Variants in CDKAL1 observed in about 807,000 individuals in gnomAD.
CDKAL1 encodes the protein CDKAL1 threonylcarbamoyladenosine tRNA methylthiotransferase.
A neutral mutation model predicts 68.2 loss-of-function variants in CDKAL1; 32 were observed. The ratio of observed to expected loss-of-function variants is 0.47; its 90% confidence interval spans 0.35 to 0.63. CDKAL1 has a LOEUF of 0.63. Ranked by LOEUF, CDKAL1 falls within the 30% of genes least tolerant of loss-of-function variation. The probability of loss-of-function intolerance (pLI) is 0.00; values close to 1 mark genes in which losing one functional copy is unlikely to be tolerated. For synonymous variants in CDKAL1, 234 were observed against 244.3 expected, an observed-to-expected ratio of 0.96 and a Z score of 0.39; for missense variants, 606 against 696.7, an observed-to-expected ratio of 0.87 and a Z score of 1.47.
At chr6:20,743,685 T>G (rs1014377698) in intron 6 of CDKAL1, among the ~76,000 whole-genome samples, 1 of 152,144 alleles carries the variant, frequency 6.6e-6, no homozygotes, top group African/African-American at 2.4e-5. Flanking sequence ...ATTAATATTA[T>G]TTGTGTGATG....
chr6:20,859,209 A>G (rs1055506064), intron 9 of CDKAL1, among the ~76,000 whole-genome samples: 1 of 151,986 alleles, frequency 6.6e-6, no homozygotes, highest in African/African-American at 2.4e-5. Context: ...ATATTCTGAA[A>G]ATTTTCTTTT....
At chr6:20,762,415 C>T (rs976434705) in intron 7 of CDKAL1, among the ~76,000 whole-genome samples, 1 of 152,130 alleles carries the variant, frequency 6.6e-6, no homozygotes, top group African/African-American at 2.4e-5. Context: ...TGATAGCTTT[C>T]CTTAGTTTGC....
At chr6:20,998,245 A>G (rs1204618144) in intron 10 of CDKAL1, among the ~76,000 whole-genome samples, 2 of 152,220 alleles carry the variant, frequency 1.3e-5, no homozygotes, top group East Asian at 3.8e-4. Flanking sequence ...TAAGGCCAGC[A>G]TATTTACTGT....
intron 5 of CDKAL1, among the ~76,000 whole-genome samples, chr6:20,696,723 G>C (rs1046030050): frequency 6.6e-6 from 1 of 152,182 alleles, no homozygotes; most frequent in African/African-American, 2.4e-5. Flanking sequence ...ATCACAGCTT[G>C]TAATTATATA....
intron 11 of CDKAL1, among the ~76,000 whole-genome samples, chr6:21,064,219 T>C (rs1771293687): frequency 6.6e-6 from 1 of 152,178 alleles, no homozygotes; most frequent in Admixed American, 6.5e-5. Flanking sequence ...CCTGGTATCT[T>C]TCTGATGAAG....
At chr6:21,145,573 G>T (rs1467079505) in intron 13 of CDKAL1, among the ~76,000 whole-genome samples, 1 of 152,152 alleles carries the variant, frequency 6.6e-6, no homozygotes, top group African/African-American at 2.4e-5. Context: ...ACAAAGAATG[G>T]TAAATCAGAT....
At chr6:21,003,227 T>A (rs897131755) in intron 11 of CDKAL1, among the ~76,000 whole-genome samples, 6 of 149,862 alleles carry the variant, frequency 4.0e-5, no homozygotes, top group Admixed American at 4.0e-4. Context: ...TATTTTAGAC[T>A]AGGCACAGTG....
At chr6:20,610,586 C>A (rs1766576226) in intron 4 of CDKAL1, among the ~76,000 whole-genome samples, 1 of 151,986 alleles carries the variant, frequency 6.6e-6, no homozygotes, top group African/African-American at 2.4e-5. Flanking sequence ...CATGCACAAA[C>A]TTACCATAGG....
chr6:20,649,160 C>T lies in CDKAL1; in HGVS notation c.287-133C>T, dbSNP rs1206016585. On this transcript the variant is annotated intron_variant, in intron 4 of 15. Transcript: ENST00000274695. The stretch of plus-strand genomic sequence containing the variant: ...ATTTCCATGTTCTAGCAATTTTCTA[C>T]TGTGTTGTAATTGCCTGTTCATTTT... 2.2e-5 allele frequency: 14 copies of T among 631,622 alleles called. No individual in the cohort carries two copies. In the Admixed American group the frequency reaches 4.6e-4, roughly 21 times the overall value. The allele number at this position is 631,622 out of a possible 1,614,324, so 39.1% of individuals were successfully genotyped here.
chr6:20,996,649 G>C lies in CDKAL1; in HGVS notation c.910-3578G>C, dbSNP rs147503148. Among the ~76,000 whole-genome samples, 54 of 152,272 alleles carry C rather than the reference G, an allele frequency of 3.5e-4. No individual in the cohort carries two copies. In the East Asian group the frequency reaches 7.0e-3, roughly 20 times the overall value. ...GTAACATCAAAGATCACTGATGACA[G>C]ATCATCACATCAGATACAGTAATAA... On this transcript the variant is annotated intron_variant, in intron 10 of 15. Coordinates refer to ENST00000274695, the MANE Select transcript of CDKAL1 (RefSeq NM_017774.3).
At chr6:20,833,270 G>A (rs189602519) in intron 8 of CDKAL1, among the ~76,000 whole-genome samples, 163 of 152,290 alleles carry the variant, frequency 1.1e-3, no homozygotes, top group African/African-American at 3.8e-3. Context: ...AACAAAATCA[G>A]TATTCTTTTG....
At chr6:21,028,855 A>G (rs1434704640) in intron 11 of CDKAL1, among the ~76,000 whole-genome samples, 1 of 152,154 alleles carries the variant, frequency 6.6e-6, no homozygotes, top group Non-Finnish European at 1.5e-5. Context: ...TCAAATTCAG[A>G]TTGTCTAAGA....
At chr6:21,216,028 C>A (rs1189149729) in intron 15 of CDKAL1, among the ~76,000 whole-genome samples, 6 of 152,122 alleles carry the variant, frequency 3.9e-5, no homozygotes, top group Non-Finnish European at 8.8e-5. Flanking sequence ...GATAGGAATG[C>A]TGACTTCGAA....
At position 20,808,476 on chromosome 6, in the gene CDKAL1, G is replaced by C. The variant is rs566665551; in HGVS notation, c.638+27211G>C. On this transcript the variant is annotated intron_variant, in intron 8 of 15. Coordinates refer to ENST00000274695, the MANE Select transcript of CDKAL1 (RefSeq NM_017774.3). ...TTGTTAGTTGATTGGATGTGCAAAG[G>C]GGGTTGATGGAAACAGGGAGAGATG... 3.3e-5 allele frequency among the ~76,000 whole-genome samples: 5 copies of C among 152,234 alleles called. No homozygotes were observed. The South Asian group carries it at 1.0e-3, about 32-fold the overall frequency.
chr6:20,647,669 A>T (rs914052570), intron 4 of CDKAL1, among the ~76,000 whole-genome samples: 1 of 152,218 alleles, frequency 6.6e-6, no homozygotes, highest in African/African-American at 2.4e-5. Context: ...AATATCACTC[A>T]GGTGGCATTG....
At chr6:20,931,830 A>T (rs542106233) in intron 9 of CDKAL1, among the ~76,000 whole-genome samples, 1 of 152,350 alleles carries the variant, frequency 6.6e-6, no homozygotes, top group East Asian at 1.9e-4. Flanking sequence ...TTTTTCGAGC[A>T]ACTGTCATTT....
intron 10 of CDKAL1, among the ~76,000 whole-genome samples, chr6:20,973,286 T>A (rs886720912): frequency 6.6e-6 from 1 of 152,196 alleles, no homozygotes; most frequent in Admixed American, 6.5e-5. Context: ...GTATCACATA[T>A]GTAAATATAA....
chr6:21,111,160 G>A (rs1774102387), intron 13 of CDKAL1, among the ~76,000 whole-genome samples: 1 of 152,074 alleles, frequency 6.6e-6, no homozygotes, highest in African/African-American at 2.4e-5. Context: ...AATAAACTAT[G>A]GTCTGCTCCT....
intron 11 of CDKAL1, among the ~76,000 whole-genome samples, chr6:21,035,531 A>G (rs755954681): frequency 5.3e-5 from 8 of 152,162 alleles, no homozygotes; most frequent in Non-Finnish European, 1.0e-4. Context: ...TTGTGTGTGT[A>G]TATGTGTGTT....
Sources: allele counts gnomAD v4.1 joint callset (sites outside exome capture counted in the v4.1 genomes callset), GRCh38; gene constraint gnomAD v4.1.1; transcripts MANE v1.5; gene names NCBI Gene and HGNC (gene_info 2026-07-23, HGNC 2026-07-21).